LRRC28: variants seen among roughly 807,000 people sequenced by gnomAD.
The protein encoded by LRRC28 is leucine-rich repeat-containing protein 28.
A neutral mutation model predicts 45.7 loss-of-function variants in LRRC28; 39 were observed. The observed-to-expected ratio is 0.85, with a 90% CI of 0.66 to 1.12. The LOEUF (loss-of-function observed/expected upper bound fraction) is 1.12. Ranked by LOEUF, LRRC28 falls within the 50% of genes most tolerant of loss-of-function variation. LRRC28 has a pLI of 0.00. For synonymous variants in LRRC28, 206 were observed against 178.8 expected (o/e 1.15, Z -1.22); for missense variants, 435 against 438.5 (o/e 0.99, Z 0.07).
chr15:99,311,217 AC>A (rs1955397272), intron 5 of LRRC28, among the ~76,000 whole-genome samples: 1 of 152,112 alleles, frequency 6.6e-6, no homozygotes, highest in Admixed American at 6.6e-5. Flanking sequence ...TTTGACTGCA[AC>A]CTGGCACGTG....
chr15:99,375,977 T>C (rs191024425), intron 9 of LRRC28, among the ~76,000 whole-genome samples: 204 of 152,176 alleles, frequency 1.3e-3, no homozygotes, highest in African/African-American at 4.0e-3. Flanking sequence ...TTTTGTCCTT[T>C]TTTTAGGTTT....
intron 2 of LRRC28, among the ~76,000 whole-genome samples, chr15:99,275,852 G>A (rs2152173326): frequency 6.6e-6 from 1 of 152,240 alleles, no homozygotes; most frequent in East Asian, 1.9e-4. Context: ...TCTAAGGCAG[G>A]GGTCCCCAAT....
rs1056736792 is a variant in LRRC28, at chr15:99,285,562, G to A, written c.210-1695G>A. 4.7e-6 allele frequency: 4 copies of A among 844,710 alleles called. No individual in the cohort carries two copies. The African/African-American group carries it at 6.8e-5, about 14-fold the overall frequency. The allele number at this position is 844,710 out of a possible 1,614,324, so 52.3% of individuals were successfully genotyped here. On this transcript the variant is annotated intron_variant, in intron 3 of 9. Transcript: ENST00000301981. ...CCTCAGCTGTTCGGGCTCTTTAGGA[G>A]ACTGACTTAGACTTGACGGCAGGGG...
chr15:99,376,497 A>G (rs1957637666), intron 9 of LRRC28, among the ~76,000 whole-genome samples: 1 of 151,934 alleles, frequency 6.6e-6, no homozygotes, highest in Non-Finnish European at 1.5e-5. Flanking sequence ...GCTGCATCCT[A>G]TTACTTTTTG....
intron 9 of LRRC28, among the ~76,000 whole-genome samples, chr15:99,373,771 T>C (rs991870203): frequency 5.3e-5 from 8 of 152,196 alleles, no homozygotes; most frequent in African/African-American, 9.6e-5. Context: ...CCTTTTCGCT[T>C]TCCTAAAGAT....
intron 2 of LRRC28, among the ~76,000 whole-genome samples, chr15:99,269,379 A>G (rs12593076): frequency 0.096 from 14,560 of 152,122 alleles, 983 homozygotes; most frequent in East Asian, 0.32. Context: ...GAAGGTATGA[A>G]TTCTGCACAC....
intron 6 of LRRC28, among the ~76,000 whole-genome samples, chr15:99,339,645 C>T (rs773115805): frequency 6.6e-6 from 1 of 151,652 alleles, no homozygotes; most frequent in Non-Finnish European, 1.5e-5. Context: ...GCCCCAAAAT[C>T]GCTTGAACCC....
intron 9 of LRRC28, among the ~76,000 whole-genome samples, chr15:99,365,474 A>G (rs185723422): frequency 5.3e-4 from 80 of 152,320 alleles, no homozygotes; most frequent in Middle Eastern, 3.4e-3. Context: ...GCTCCTTCCC[A>G]TGTTGCCATG....
intron 5 of LRRC28, chr15:99,326,557 A>C (rs1161086024): frequency 6.6e-6 from 1 of 152,282 alleles, no homozygotes; most frequent in Non-Finnish European, 1.5e-5. Flanking sequence ...GCGAGGCTTT[A>C]ACACTTTATT....
At chr15:99,304,757 T>A (rs1955119760) in intron 5 of LRRC28, among the ~76,000 whole-genome samples, 1 of 152,132 alleles carries the variant, frequency 6.6e-6, no homozygotes, top group Non-Finnish European at 1.5e-5. Context: ...TTATATATAT[T>A]TCTTTATGTG....
At chr15:99,310,696 G>A (rs1358205283) in intron 5 of LRRC28, among the ~76,000 whole-genome samples, 1 of 152,186 alleles carries the variant, frequency 6.6e-6, no homozygotes, top group African/African-American at 2.4e-5. Flanking sequence ...CGAAAGACAT[G>A]AAAATGAAGA....
At chr15:99,377,040 A>AGC (rs1406732214) in intron 9 of LRRC28, among the ~76,000 whole-genome samples, 1 of 152,182 alleles carries the variant, frequency 6.6e-6, no homozygotes, top group African/African-American at 2.4e-5. Flanking sequence ...CTTGATTTAT[A>AGC]ATCCTTTGGG....
At chr15:99,345,909 C>G (rs1012877608) in intron 6 of LRRC28, among the ~76,000 whole-genome samples, 11 of 152,202 alleles carry the variant, frequency 7.2e-5, no homozygotes, top group Non-Finnish European at 1.5e-4. Flanking sequence ...AGTGAATAGT[C>G]AGACACATGA....
At chr15:99,331,474 A>G (rs994587551) in intron 5 of LRRC28, among the ~76,000 whole-genome samples, 1 of 152,134 alleles carries the variant, frequency 6.6e-6, no homozygotes, top group African/African-American at 2.4e-5. Context: ...TTCAAATTCT[A>G]TTGCACTGCC....
At chr15:99,302,883 G>A (rs1240280783) in intron 5 of LRRC28, among the ~76,000 whole-genome samples, 1 of 152,178 alleles carries the variant, frequency 6.6e-6, no homozygotes, top group African/African-American at 2.4e-5. Flanking sequence ...TTGTATGGAT[G>A]TGCCATATTT....
At chr15:99,372,969 G>A (rs998474194) in intron 9 of LRRC28, among the ~76,000 whole-genome samples, 7 of 151,986 alleles carry the variant, frequency 4.6e-5, no homozygotes, top group African/African-American at 7.3e-5. Context: ...AAAACCATCA[G>A]ATCTCATGAG....
At chr15:99,278,350 G>A (rs1045174644) in intron 3 of LRRC28, among the ~76,000 whole-genome samples, 1 of 152,216 alleles carries the variant, frequency 6.6e-6, no homozygotes, top group African/African-American at 2.4e-5. Flanking sequence ...CCAGGTTCAA[G>A]CAATTCTCCT....
At chr15:99,257,684 G>A (rs769230230) in intron 2 of LRRC28, 45 of 757,262 alleles carry the variant, frequency 5.9e-5, no homozygotes, top group Non-Finnish European at 7.8e-5. Flanking sequence ...CCTTCGGGTC[G>A]GTCAGAGCTG....
At chr15:99,362,561 C>CT (rs1957232804) in intron 8 of LRRC28, among the ~76,000 whole-genome samples, 1 of 152,194 alleles carries the variant, frequency 6.6e-6, no homozygotes, top group Non-Finnish European at 1.5e-5. Flanking sequence ...AGGAAGCTCC[C>CT]TGCTTTTATT....
Sources: gnomAD v4.1 joint callset for allele counts (sites outside exome capture counted in the v4.1 genomes callset) on GRCh38, gnomAD v4.1.1 for gene constraint, MANE v1.5 for transcripts, NCBI Gene and HGNC (gene_info 2026-07-23, HGNC 2026-07-21) for gene names.